The following CDH8 variants were observed in gnomAD, a reference collection of about 807,000 sequenced individuals.
CDH8 encodes cadherin-8.
Under a neutral mutation model 68.1 loss-of-function variants are expected in CDH8, and 17 were observed. The ratio of observed to expected loss-of-function variants is 0.25; its 90% CI spans 0.17 to 0.37. CDH8 has a LOEUF of 0.37. Ranked by LOEUF, CDH8 falls within the 10% of genes least tolerant of loss-of-function variation. CDH8 has a pLI of 1.00. For missense variants in CDH8, 763 were observed against 999.3 expected (o/e 0.76, Z 3.19); for synonymous variants, 372 against 365.1 (o/e 1.02, Z -0.21).
At chr16:61,864,113 G>A (rs1187284834) in intron 3 of CDH8, among the ~76,000 whole-genome samples, 2 of 152,190 alleles carry the variant, frequency 1.3e-5, no homozygotes, top group African/African-American at 4.8e-5. Context: ...ACTTGTTGAT[G>A]TTTAAATTAT....
intron 1 of CDH8, among the ~76,000 whole-genome samples, chr16:62,030,070 A>T (rs1381933993): frequency 6.6e-6 from 1 of 152,168 alleles, no homozygotes; most frequent in Non-Finnish European, 1.5e-5. Context: ...TTACAAGTGC[A>T]CCTTACTGTC....
Position 61,847,539 on chromosome 16 carries a change from TA to T in CDH8, c.667+9579del, listed in dbSNP as rs1456244630. Among the ~76,000 whole-genome samples the T allele has an allele frequency of 4.1e-3, 28 of 6,816 alleles. No homozygotes were observed. In the African/African-American group the frequency reaches 0.063, roughly 15 times the overall value. The allele number at this position is 6,816 out of a possible 152,430, so 4.5% of individuals were successfully genotyped here. On this transcript the variant is annotated intron_variant, in intron 4 of 11. Transcript: ENST00000577390. ...CCCTTCTGTAAGCTTCCAATCATTT[TA>T]TATATATATATATATATATATATAT... is the stretch of plus-strand genomic sequence containing the variant.
At chr16:61,884,249 C>T (rs1963630124) in intron 3 of CDH8, among the ~76,000 whole-genome samples, 1 of 152,166 alleles carries the variant, frequency 6.6e-6, no homozygotes, top group Non-Finnish European at 1.5e-5. Context: ...CCTGAGACAG[C>T]AAGACCAACT....
chr16:62,021,448 T>A lies in CDH8; in HGVS notation c.-45A>T. The A allele has an allele frequency of 1.9e-6, 3 of 1,561,944 alleles. No individual in the cohort carries two copies. Among genetic ancestry groups the A allele is most frequent in the Non-Finnish European group, 2.6e-6 (3 of 1,154,006 alleles). On this transcript the variant is annotated 5_prime_UTR_variant, in exon 2 of 12. Transcript: ENST00000577390. ...ATCACCACGAAAATGAGACAATTAT[T>A]TTTTTTGTCTCCGGTCTGCAGCCAT...
chr16:61,858,664 A>G (rs1163932203), intron 3 of CDH8, among the ~76,000 whole-genome samples: 3 of 152,154 alleles, frequency 2.0e-5, no homozygotes, highest in African/African-American at 7.2e-5. Flanking sequence ...ATCAATATCT[A>G]TGGGGGGAGT....
At chr16:61,736,266 T>C (rs1464255576) in intron 8 of CDH8, among the ~76,000 whole-genome samples, 2 of 152,080 alleles carry the variant, frequency 1.3e-5, no homozygotes, top group African/African-American at 2.4e-5. Flanking sequence ...GTTCTAATGG[T>C]GGGACTATCC....
At chr16:61,829,191 C>A (rs1962403227) in intron 4 of CDH8, among the ~76,000 whole-genome samples, 1 of 151,802 alleles carries the variant, frequency 6.6e-6, no homozygotes, top group Non-Finnish European at 1.5e-5. Context: ...TATTTGGCCA[C>A]TCAGGTTATT....
chr16:61,922,384 A>G (rs963248030), intron 2 of CDH8, among the ~76,000 whole-genome samples: 19 of 152,186 alleles, frequency 1.2e-4, no homozygotes, highest in African/African-American at 4.6e-4. Context: ...CAAATTAAAT[A>G]AGCATACAGA....
intron 4 of CDH8, among the ~76,000 whole-genome samples, chr16:61,845,240 T>G (rs1962778027): frequency 6.6e-6 from 1 of 152,190 alleles, no homozygotes; most frequent in South Asian, 2.1e-4. Flanking sequence ...TGTTTCACTT[T>G]GTAAACACAG....
chr16:61,824,201 C>T (rs1462890178), intron 5 of CDH8, among the ~76,000 whole-genome samples: 1 of 151,796 alleles, frequency 6.6e-6, no homozygotes, highest in East Asian at 1.9e-4. Context: ...CCTGATCTTA[C>T]TTATATGTGG....
At chr16:62,024,682 G>A (rs1902155928) in intron 1 of CDH8, among the ~76,000 whole-genome samples, 1 of 152,214 alleles carries the variant, frequency 6.6e-6, no homozygotes, top group Non-Finnish European at 1.5e-5. Flanking sequence ...GGATACGTGT[G>A]TAGTCACGAA....
At chr16:61,915,814 A>G (rs2143352193) in intron 2 of CDH8, among the ~76,000 whole-genome samples, 1 of 152,264 alleles carries the variant, frequency 6.6e-6, no homozygotes, top group Middle Eastern at 3.4e-3. Context: ...GTGGAACAGA[A>G]CTTCCCCTTT....
rs1567489774 is a variant in CDH8, at chr16:61,829,096, T to C, written c.668-3917A>G. Among the ~76,000 whole-genome samples the C allele has an allele frequency of 3.3e-5, 5 of 151,988 alleles. No homozygotes were observed. In the East Asian group the frequency reaches 9.7e-4, roughly 30 times the overall value. Reference sequence around the variant, plus strand: ...CAATTAACTCCTTTACTTTCTGGCTTTTTGTTAGGCTCCACCAATATACAT... The same window carrying C: ...CAATTAACTCCTTTACTTTCTGGCTCTTTGTTAGGCTCCACCAATATACAT... On this transcript the variant is annotated intron_variant, in intron 4 of 11. Coordinates refer to ENST00000577390, the MANE Select transcript of CDH8 (RefSeq NM_001796.5).
intron 2 of CDH8, among the ~76,000 whole-genome samples, chr16:61,913,287 A>G (rs1240190178): frequency 6.6e-6 from 1 of 152,204 alleles, no homozygotes; most frequent in Non-Finnish European, 1.5e-5. Flanking sequence ...CTACTGGTGG[A>G]ATCATCTTGG....
At chr16:61,913,434 T>C (rs1443019036) in intron 2 of CDH8, among the ~76,000 whole-genome samples, 3 of 152,202 alleles carry the variant, frequency 2.0e-5, no homozygotes, top group Non-Finnish European at 4.4e-5. Flanking sequence ...CCAGTGTTTA[T>C]AAGTAACTTG....
At chr16:61,847,737 T>A (rs1426760715) in intron 4 of CDH8, among the ~76,000 whole-genome samples, 1 of 151,788 alleles carries the variant, frequency 6.6e-6, no homozygotes, top group Non-Finnish European at 1.5e-5. Flanking sequence ...TCTGAAAGAA[T>A]ATATTCCATA....
intron 10 of CDH8, among the ~76,000 whole-genome samples, chr16:61,666,796 C>A (rs542370467): frequency 1.3e-5 from 2 of 152,024 alleles, no homozygotes; most frequent in Admixed American, 6.6e-5. Flanking sequence ...GTTCTTATCA[C>A]CGTGTTGTGT....
chr16:61,803,814 A>G (rs992653612), intron 7 of CDH8, among the ~76,000 whole-genome samples: 30 of 135,636 alleles, frequency 2.2e-4, no homozygotes, highest in African/African-American at 6.0e-4. Context: ...CAAGATTTAT[A>G]AAGCAAGTCC....
At chr16:61,730,904 A>G (rs1442308743) in intron 8 of CDH8, among the ~76,000 whole-genome samples, 1 of 151,566 alleles carries the variant, frequency 6.6e-6, no homozygotes, top group Non-Finnish European at 1.5e-5. Context: ...TCATTACATG[A>G]TAGCCTGAGG....
Sources: gnomAD v4.1 joint callset for allele counts (sites outside exome capture counted in the v4.1 genomes callset) on GRCh38, gnomAD v4.1.1 for gene constraint, MANE v1.5 for transcripts, NCBI Gene and HGNC (gene_info 2026-07-23, HGNC 2026-07-21) for gene names.